Variants in TRANK1 observed in about 807,000 individuals in gnomAD.
The protein encoded by TRANK1 is TPR and ankyrin repeat-containing protein 1.
In TRANK1, 198 loss-of-function variants were observed where a neutral mutation model predicts 266.0. That is an observed-to-expected ratio of 0.74 (90% CI 0.66 to 0.84). The LOEUF (loss-of-function observed/expected upper bound fraction) is 0.84. TRANK1 is among the 40% of genes least tolerant of loss of function. TRANK1 has a pLI of 0.00. For missense variants in TRANK1, 3,326 were observed against 3,634.6 expected (o/e 0.92, Z 2.18); for synonymous variants, 1,396 against 1,384.1 (o/e 1.01, Z -0.19).
rs1395867595 is a variant in TRANK1, at chr3:36,831,614, C to T, written c.7969G>A (p.Gly2657Arg). The T allele has an allele frequency of 6.2e-7, 1 of 1,613,892 alleles. No homozygotes were observed. The highest frequency in any genetic ancestry group is 8.5e-7 in the Non-Finnish European group (1 of 1,179,832). The change falls in exon 22 of 24, where the codon GGG becomes AGG. Residue 2657 changes from glycine (G) to arginine (R), a missense_variant. Coordinates refer to ENST00000645898, the MANE Select transcript of TRANK1 (RefSeq NM_001329998.2). The surrounding 1 kb of genome is among the most constrained non-coding windows in gnomAD (Gnocchi z 5.0). Reference protein sequence around the residue: ...DWRWDPVHTKGSIVRGLYYEE... With the variant: ...DWRWDPVHTKRSIVRGLYYEE... ...TAATAGAGGCCACGGACTATGGACC[C>T]TTTGGTGTGCACAGGGTCCCACCGC...
At chr3:36,936,132 T>C (rs537028380) in intron 1 of TRANK1, among the ~76,000 whole-genome samples, 1 of 152,292 alleles carries the variant, frequency 6.6e-6, no homozygotes, top group South Asian at 2.1e-4. Context: ...AGAACAATCC[T>C]GGAGGATCAG....
intron 1 of TRANK1, among the ~76,000 whole-genome samples, chr3:36,921,395 A>T (rs934580143): frequency 5.9e-5 from 9 of 152,200 alleles, no homozygotes; most frequent in African/African-American, 2.2e-4. Context: ...GAGAAAATTA[A>T]ATTTATGTTC....
intron 22 of TRANK1, among the ~76,000 whole-genome samples, 157 bp downstream of exon 22, chr3:36,830,716 T>C (rs796583817): frequency 9.8e-5 from 15 of 152,304 alleles, no homozygotes; most frequent in African/African-American, 3.4e-4. Context: ...TGAGGTTCGC[T>C]ATAACTTGAG....
chr3:36,842,807 A>G (rs183079399), intron 17 of TRANK1, 97 bp from the exon 18 acceptor site: 23 of 1,085,040 alleles, frequency 2.1e-5, no homozygotes, highest in South Asian at 2.0e-4. Flanking sequence ...CCAGCCATCA[A>G]ATTCACTTGT....
intron 1 of TRANK1, among the ~76,000 whole-genome samples, chr3:36,936,872 CG>C (rs1559482468): frequency 6.6e-6 from 1 of 152,130 alleles, no homozygotes; most frequent in Non-Finnish European, 1.5e-5. Context: ...GAGACTGAGG[CG>C]GGTGGATCAC....
chr3:36,857,755 C>A lies in TRANK1; in HGVS notation c.1967G>T (p.Ser656Ile). Residue 656 changes from serine (S) to isoleucine (I), a missense_variant, in exon 13 of 24, where the codon AGC becomes ATC. By Grantham distance (142) the Ser-to-Ile change is moderately radical. Coordinates refer to ENST00000645898, the MANE Select transcript of TRANK1 (RefSeq NM_001329998.2). This position sits in a 1 kb window ranked among gnomAD's most constrained non-coding sequence, Gnocchi z 4.3. The stretch of plus-strand genomic sequence containing the variant: ...CAGGTGGGCAGCAGAGTCCTGCCGG[C>A]TCCTCCTCCTGTTCTCCATCAGAGC... ...NKALMENRRR[S>I]RQDSAAHLGK... 1 of 1,614,014 alleles carries A rather than the reference C, an allele frequency of 6.2e-7. No homozygotes were observed. The highest frequency in any genetic ancestry group is 8.5e-7 in the Non-Finnish European group (1 of 1,179,898).
rs561752183 is a variant in TRANK1 at position 36,851,745 on chromosome 3, G to C, written c.4861C>G (p.Leu1621Val). 6.2e-7 allele frequency: 1 copy of C among 1,613,224 alleles called. No homozygotes were observed. The highest frequency in any genetic ancestry group is 1.3e-5 in the African/African-American group (1 of 74,992). Residue 1621 changes from leucine (L) to valine (V), a missense_variant, in exon 15 of 24, where the codon CTT becomes GTT. Coordinates refer to ENST00000645898, the MANE Select transcript of TRANK1 (RefSeq NM_001329998.2). ...AKGLEFDDVL[L>V]YNFFTDSEAY... ...TCAGAATCAGTAAAAAAGTTGTAAA[G>C]GAGGACATCATCAAATTCTAAGCCT...
chr3:36,916,363 A>G (rs898620697), intron 1 of TRANK1, among the ~76,000 whole-genome samples: 1 of 152,182 alleles, frequency 6.6e-6, no homozygotes, highest in Non-Finnish European at 1.5e-5. Flanking sequence ...CAGGAGTTCA[A>G]GACTAGCCTG....
At position 36,860,809 on chromosome 3, in the gene TRANK1, T is replaced by G. The variant is rs1326143411; in HGVS notation, c.1495+97A>C. ...TAGGCAATGAGGGTGAACTTCATGG[T>G]GCCTCCAAAAGCAAGGGAAAGGCAG... On this transcript the variant is annotated intron_variant, in intron 11 of 23. Coordinates refer to ENST00000645898, the MANE Select transcript of TRANK1 (RefSeq NM_001329998.2). 2.0e-6 allele frequency: 3 copies of G among 1,474,550 alleles called. No individual in the cohort carries two copies. In the African/African-American group the frequency reaches 4.2e-5, roughly 21 times the overall value. The allele number at this position is 1,474,550 out of a possible 1,614,324, so 91.3% of individuals were successfully genotyped here.
At chr3:36,840,022 T>C (rs910538590) in intron 18 of TRANK1, among the ~76,000 whole-genome samples, 5 of 152,158 alleles carry the variant, frequency 3.3e-5, no homozygotes, top group Admixed American at 3.3e-4. Context: ...TCTGTGCCAG[T>C]TCCCCTAAAA....
At chr3:36,918,737 T>C (rs1467405613) in intron 1 of TRANK1, among the ~76,000 whole-genome samples, 2 of 152,142 alleles carry the variant, frequency 1.3e-5, no homozygotes, top group African/African-American at 2.4e-5. Flanking sequence ...ACTCCAAGTC[T>C]GACAGAAACA....
chr3:36,852,382 C>G (rs1174189843), intron 13 of TRANK1, 37 bp from the exon 14 acceptor site: 1 of 1,507,882 alleles, frequency 6.6e-7, no homozygotes, highest in African/African-American at 1.4e-5. Context: ...GGATAATTAA[C>G]AACATGGCTG....
chr3:36,929,776 G>C (rs368545176), intron 1 of TRANK1, among the ~76,000 whole-genome samples: 1 of 152,176 alleles, frequency 6.6e-6, no homozygotes, highest in Non-Finnish European at 1.5e-5. Context: ...TACTATCCCT[G>C]GATTATCAGG....
chr3:36,855,529 T>C lies in TRANK1; in HGVS notation c.4193A>G (p.Tyr1398Cys), dbSNP rs2079039866. ...ACCTTTCTGGGACCTGATTTGCTGA[T>C]ACAGACTGAAGAGGCTGTAGATCTC... ...RSEIYSLFSLYQQIRSQKGYF... is the reference protein window; with the variant it reads ...RSEIYSLFSLCQQIRSQKGYF... The change falls in exon 13 of 24, where the codon TAT (tyrosine) becomes TGT (cysteine). Residue 1398 changes from tyrosine (Y) to cysteine (C), a missense_variant. Transcript: ENST00000645898. The C allele has an allele frequency of 1.2e-6, 2 of 1,613,960 alleles. No homozygotes were observed. Among genetic ancestry groups the C allele is most frequent in the Non-Finnish European group, 1.7e-6 (2 of 1,179,890 alleles).
chr3:36,923,738 G>C (rs2080250158), intron 1 of TRANK1, among the ~76,000 whole-genome samples: 1 of 152,028 alleles, frequency 6.6e-6, no homozygotes, highest in Non-Finnish European at 1.5e-5. Context: ...GGAGGCAACT[G>C]CAGGTCTCCG....
At chr3:36,865,753 T>C (rs1415673936) in intron 9 of TRANK1, among the ~76,000 whole-genome samples, 1 of 151,816 alleles carries the variant, frequency 6.6e-6, no homozygotes, top group Non-Finnish European at 1.5e-5. Flanking sequence ...TATAGACATA[T>C]TCATATATAC....
At chr3:36,925,207 C>T (rs1472461266) in intron 1 of TRANK1, among the ~76,000 whole-genome samples, 3 of 152,198 alleles carry the variant, frequency 2.0e-5, no homozygotes, top group Non-Finnish European at 4.4e-5. Flanking sequence ...TGGTTTCCAA[C>T]ATCCTAACCT....
At chr3:36,866,226 C>T (rs769414172) in intron 9 of TRANK1, among the ~76,000 whole-genome samples, 2 of 152,092 alleles carry the variant, frequency 1.3e-5, no homozygotes, top group Non-Finnish European at 2.9e-5. Flanking sequence ...CAGAACTGGA[C>T]ATTTATTTTC....
intron 1 of TRANK1, among the ~76,000 whole-genome samples, chr3:36,911,360 G>A (rs1037376195): frequency 6.6e-6 from 1 of 151,872 alleles, no homozygotes; most frequent in African/African-American, 2.4e-5. Context: ...ATCACTCTAC[G>A]ATGTACCCTC....
Sources: allele counts gnomAD v4.1 joint callset (sites outside exome capture counted in the v4.1 genomes callset), GRCh38; gene constraint gnomAD v4.1.1; non-coding constraint Gnocchi (gnomAD v3.1); transcripts MANE v1.5; gene names NCBI Gene and HGNC (gene_info 2026-07-23, HGNC 2026-07-21).